The following MECR variants were observed in gnomAD, a reference collection of about 807,000 sequenced individuals.
MECR encodes the protein mitochondrial trans-2-enoyl-CoA reductase, also known as enoyl-[acyl-carrier-protein] reductase, mitochondrial.
In MECR, 37 loss-of-function variants were observed where a neutral mutation model predicts 49.1. That is an observed-to-expected ratio of 0.75 (90% CI 0.58 to 0.99). The LOEUF (loss-of-function observed/expected upper bound fraction) is 0.99, where lower values mean the gene tolerates loss of function less well. MECR is among the 50% of genes least tolerant of loss of function. The pLI, the probability that MECR is intolerant of heterozygous loss-of-function variation, is 0.00. For missense variants in MECR, 470 were observed against 479.6 expected (o/e 0.98, Z 0.19); for synonymous variants, 198 against 191.1 (o/e 1.04, Z -0.30).
intron 7 of MECR, among the ~76,000 whole-genome samples, chr1:29,197,542 T>G (rs1288704977): frequency 6.6e-6 from 1 of 152,232 alleles, no homozygotes; most frequent in Admixed American, 6.5e-5. Flanking sequence ...CCCCACTCCC[T>G]GGCTCTTCTA....
At chr1:29,199,104 A>G (rs887617936) in intron 7 of MECR, among the ~76,000 whole-genome samples, 4 of 152,276 alleles carry the variant, frequency 2.6e-5, no homozygotes, top group Non-Finnish European at 4.4e-5. Context: ...TCAGTGTCGC[A>G]GCCCTCTCTG....
chr1:29,195,905 T>C, intron 9 of MECR, 36 bp downstream of exon 9: 1 of 1,609,082 alleles, frequency 6.2e-7, no homozygotes, highest in Non-Finnish European at 8.5e-7. Context: ...GGCACTGCCC[T>C]CATCTGTGAC....
rs1027718182 is a variant in MECR at position 29,201,584 on chromosome 1, G to A, written c.756+359C>T. ...AAATCATCAGATAAAATGTAAGGCA[G>A]GTGGTTGGGAAAGGTTACTTCTTTT... On this transcript the variant is annotated intron_variant, in intron 6 of 9. Transcript: ENST00000263702. The surrounding 1 kb of genome is among the most constrained non-coding windows in gnomAD (Gnocchi z 4.3). The A allele has an allele frequency of 4.3e-6, 2 of 463,080 alleles. No individual in the cohort carries two copies. Among genetic ancestry groups the A allele is most frequent in the Non-Finnish European group, 8.5e-6 (2 of 236,294 alleles). 28.7% of individuals were successfully genotyped at this position (463,080 alleles called of 1,614,324 possible). A position where few individuals can be genotyped will look rare whatever the true frequency, so the allele number is the denominator to read the frequency against.
chr1:29,194,491 G>A (rs940648180), intron 9 of MECR, among the ~76,000 whole-genome samples: 2 of 152,198 alleles, frequency 1.3e-5, no homozygotes, highest in Admixed American at 1.3e-4. Flanking sequence ...GTGGAGACAG[G>A]AGCACTGAAT....
chr1:29,175,048 A>T, the MECR span, among the ~76,000 whole-genome samples: 1 of 151,912 alleles, frequency 6.6e-6, no homozygotes, highest in Non-Finnish European at 1.5e-5. Flanking sequence ...CCATACCTGT[A>T]TGTGAAAAAA....
intron 1 of MECR, chr1:29,223,895 G>T (rs979884236): frequency 2.0e-5 from 3 of 152,240 alleles, no homozygotes; most frequent in Non-Finnish European, 2.9e-5. Context: ...CCTGAGCAAA[G>T]CTCCTTTGTT....
the MECR span, among the ~76,000 whole-genome samples, chr1:29,179,151 A>G: frequency 5.9e-5 from 9 of 151,940 alleles, no homozygotes; most frequent in Non-Finnish European, 1.2e-4. Context: ...TTGAATTCCT[A>G]CTCATTGATT....
intron 1 of MECR, among the ~76,000 whole-genome samples, chr1:29,220,394 C>T (rs1411003407): frequency 6.6e-6 from 1 of 152,034 alleles, no homozygotes; most frequent in Non-Finnish European, 1.5e-5. Context: ...AAGTGGGACT[C>T]CGTCTCAAAA....
chr1:29,215,470 C>T (rs901536859), intron 3 of MECR, among the ~76,000 whole-genome samples: 14 of 151,512 alleles, frequency 9.2e-5, no homozygotes, highest in East Asian at 3.9e-4. Flanking sequence ...CCCAGCTACT[C>T]GGGAGGCTGA....
chr1:29,226,364 T>C (rs1004475202), intron 1 of MECR, among the ~76,000 whole-genome samples: 2 of 152,012 alleles, frequency 1.3e-5, no homozygotes, highest in African/African-American at 2.4e-5. Flanking sequence ...TTTCCCAGGA[T>C]TGGGGCTGCC....
chr1:29,186,490 C>T, the MECR span, among the ~76,000 whole-genome samples: 5 of 152,212 alleles, frequency 3.3e-5, no homozygotes, highest in South Asian at 2.1e-4. Flanking sequence ...AATGTAAGCT[C>T]GCTGGTCTCA....
chr1:29,208,116 C>T (rs1197549674), intron 3 of MECR, among the ~76,000 whole-genome samples: 1 of 152,160 alleles, frequency 6.6e-6, no homozygotes, highest in Non-Finnish European at 1.5e-5. Context: ...CCTCAGCCTC[C>T]CGAATAGCTG....
chr1:29,178,947 T>C, the MECR span, among the ~76,000 whole-genome samples: 1 of 152,336 alleles, frequency 6.6e-6, no homozygotes. Context: ...CATACCTGTC[T>C]TTGAAACTCT....
intron 3 of MECR, among the ~76,000 whole-genome samples, chr1:29,214,102 C>T (rs1678724121): frequency 6.6e-6 from 1 of 150,782 alleles, no homozygotes; most frequent in Non-Finnish European, 1.5e-5. Context: ...TACTCTGTCG[C>T]CCAGGTTGGA....
intron 3 of MECR, among the ~76,000 whole-genome samples, chr1:29,214,925 A>C (rs1161646135): frequency 6.6e-6 from 1 of 152,198 alleles, no homozygotes; most frequent in Admixed American, 6.5e-5. Context: ...CTAAAAACAA[A>C]ACTCACCTAT....
chr1:29,208,061 C>T (rs190740706), intron 3 of MECR, among the ~76,000 whole-genome samples: 120 of 152,080 alleles, frequency 7.9e-4, no homozygotes, highest in African/African-American at 2.7e-3. Flanking sequence ...GGCATGATCT[C>T]GGCTCACTGC....
chr1:29,206,185 G>A (rs1459045849), intron 4 of MECR, among the ~76,000 whole-genome samples: 20 of 152,170 alleles, frequency 1.3e-4, no homozygotes, highest in Admixed American at 1.3e-3. Context: ...TTTTACAGAA[G>A]AAAAATCTGA....
rs192227455 is a variant in MECR, at chr1:29,211,922, A to C, written c.406+4083T>G. On this transcript the variant is annotated intron_variant, in intron 3 of 9. Coordinates refer to ENST00000263702, the MANE Select transcript of MECR (RefSeq NM_016011.5). ...ATGAAAAATGACCAAGCTGTGGCCA[A>C]CTAAGAACTTACCTGTTTAATAGTT... is the stretch of plus-strand genomic sequence containing the variant. Among the ~76,000 whole-genome samples the C allele has an allele frequency of 3.3e-3, 504 of 152,324 alleles. 6 individuals carry two copies. Among genetic ancestry groups the C allele is most frequent in the Non-Finnish European group, 5.6e-3 (382 of 68,026 alleles).
intron 1 of MECR, among the ~76,000 whole-genome samples, chr1:29,229,701 G>C (rs542863965): frequency 3.0e-4 from 46 of 152,188 alleles, no homozygotes; most frequent in Non-Finnish European, 6.5e-4. Context: ...CATTTTTTAA[G>C]ATGATGAAAC....
Sources: gnomAD v4.1 joint callset for allele counts (sites outside exome capture counted in the v4.1 genomes callset) on GRCh38, gnomAD v4.1.1 for gene constraint, Gnocchi (gnomAD v3.1) non-coding constraint, MANE v1.5 for transcripts, NCBI Gene and HGNC (gene_info 2026-07-23, HGNC 2026-07-21) for gene names.